Variants in DCUN1D4 observed in about 807,000 individuals in gnomAD.
DCUN1D4 encodes DCN1-like protein 4.
A neutral mutation model predicts 47.9 loss-of-function variants in DCUN1D4; 22 were observed. The ratio of observed to expected loss-of-function variants is 0.46; its 90% CI spans 0.33 to 0.66. The LOEUF (loss-of-function observed/expected upper bound fraction) is 0.66. Ranked by LOEUF, DCUN1D4 falls within the 30% of genes least tolerant of loss-of-function variation. The probability of loss-of-function intolerance (pLI) is 0.02; values close to 1 mark genes in which losing one functional copy is unlikely to be tolerated. For synonymous variants in DCUN1D4, 121 were observed against 112.2 expected (o/e 1.08, Z -0.50); for missense variants, 301 against 340.8 (o/e 0.88, Z 0.92).
chr4:51,891,091 A>T (rs982377362), intron 6 of DCUN1D4, among the ~76,000 whole-genome samples: 1 of 152,258 alleles, frequency 6.6e-6, no homozygotes, highest in African/African-American at 2.4e-5. Flanking sequence ...ACCAGTGTAT[A>T]TAGTGAATTC....
intron 1 of DCUN1D4, among the ~76,000 whole-genome samples, chr4:51,862,170 A>C (rs964487934): frequency 6.6e-6 from 1 of 152,218 alleles, no homozygotes; most frequent in African/African-American, 2.4e-5. Flanking sequence ...GGACCATTCT[A>C]TATGGCTATG....
chr4:51,899,198 A>G, intron 7 of DCUN1D4, 72 bp from the exon 8 acceptor site: 4 of 1,468,944 alleles, frequency 2.7e-6, no homozygotes, highest in Non-Finnish European at 3.6e-6. Flanking sequence ...TATTGTGTTT[A>G]TATTACTGCC....
At position 51,868,782 on chromosome 4, in the gene DCUN1D4, T is replaced by C. The variant is rs949938337; in HGVS notation, c.136+5073T>C. 3.9e-5 allele frequency among the ~76,000 whole-genome samples: 6 copies of C among 152,252 alleles called. No homozygotes were observed. In the East Asian group the frequency reaches 7.7e-4, roughly 20 times the overall value. On this transcript the variant is annotated intron_variant, in intron 3 of 10. Transcript: ENST00000334635. ...AAAGGAAAAAGAGAGAATGAATTAG[T>C]GGCTAATCTTGGAGAAATAGCACAA...
At chr4:51,859,948 A>G (rs1724776497) in intron 1 of DCUN1D4, among the ~76,000 whole-genome samples, 1 of 152,098 alleles carries the variant, frequency 6.6e-6, no homozygotes, top group African/African-American at 2.4e-5. Flanking sequence ...TTTCCAGAAT[A>G]CGTTCTCGGT....
At position 51,916,176 on chromosome 4, in the gene DCUN1D4, C is replaced by T. The variant is rs1734305949; in HGVS notation, c.*2592C>T. On this transcript the variant is annotated 3_prime_UTR_variant, in exon 11 of 11. Coordinates refer to ENST00000334635, the MANE Select transcript of DCUN1D4 (RefSeq NM_001040402.3). ...TTCTCTTTTTCTATTGTGTTTCGAA[C>T]TCCACATTGCAATACTCTGTTGTCA... 6.6e-6 allele frequency: 1 copy of T among 152,114 alleles called. No homozygotes were observed. Among genetic ancestry groups the T allele is most frequent in the Non-Finnish European group, 1.5e-5 (1 of 68,008 alleles). 9.4% of individuals were successfully genotyped at this position (152,114 alleles called of 1,614,324 possible). A position where few individuals can be genotyped will look rare whatever the true frequency, so the allele number is the denominator to read the frequency against.
chr4:51,836,586 G>A, the DCUN1D4 span, among the ~76,000 whole-genome samples: 4 of 152,254 alleles, frequency 2.6e-5, no homozygotes, highest in East Asian at 5.8e-4. Context: ...GGGCAGAACG[G>A]GGTGGCTGAG....
intron 1 of DCUN1D4, chr4:51,845,280 T>C (rs944841848): frequency 3.7e-5 from 36 of 985,092 alleles, no homozygotes; most frequent in Middle Eastern, 1.0e-3. Context: ...ATAAACTATG[T>C]GTTGGTATTT....
In DCUN1D4 at chr4:51,867,399, T is replaced by C. The variant is rs148384085; in HGVS notation, c.136+3690T>C. Reference sequence around the variant, plus strand: ...CCTGTTTGTGTTACAGCTCTTTTAGTCCTGCCATTTGGTGGATCCTGAGTT... The same window carrying C: ...CCTGTTTGTGTTACAGCTCTTTTAGCCCTGCCATTTGGTGGATCCTGAGTT... On this transcript the variant is annotated intron_variant, in intron 3 of 10. Transcript: ENST00000334635. Among the ~76,000 whole-genome samples the C allele has an allele frequency of 9.2e-3, 1,398 of 152,344 alleles. 13 individuals carry two copies. Among genetic ancestry groups the C allele is most frequent in the African/African-American group, 0.032 (1,340 of 41,580 alleles).
chr4:51,914,298 T>C lies in DCUN1D4; in HGVS notation c.*714T>C, dbSNP rs1179039556. The C allele has an allele frequency of 6.6e-6, 1 of 152,150 alleles. No homozygotes were observed. The highest frequency in any genetic ancestry group is 2.4e-5 in the African/African-American group (1 of 41,442). 9.4% of individuals were successfully genotyped at this position (152,150 alleles called of 1,614,324 possible). A position where few individuals can be genotyped will look rare whatever the true frequency, so the allele number is the denominator to read the frequency against. ...CCAATGAACAAATTCAAATTGCACC[T>C]CTTTTCTTAAAAGAATGGGATTTAA... is the stretch of plus-strand genomic sequence containing the variant. On this transcript the variant is annotated 3_prime_UTR_variant, in exon 11 of 11. Coordinates refer to ENST00000334635, the MANE Select transcript of DCUN1D4 (RefSeq NM_001040402.3).
At chr4:51,845,572 T>A (rs1408965252) in intron 1 of DCUN1D4, among the ~76,000 whole-genome samples, 1 of 152,188 alleles carries the variant, frequency 6.6e-6, no homozygotes, top group Non-Finnish European at 1.5e-5. Flanking sequence ...CGTCACATCC[T>A]TCACCAGTTC....
At chr4:51,847,825 A>G (rs564346191) in intron 1 of DCUN1D4, among the ~76,000 whole-genome samples, 29 of 152,124 alleles carry the variant, frequency 1.9e-4, no homozygotes, top group Non-Finnish European at 2.8e-4. Flanking sequence ...CTCTCCTTTC[A>G]TGGAATCTCT....
intron 1 of DCUN1D4, among the ~76,000 whole-genome samples, chr4:51,852,231 A>G (rs901831235): frequency 6.6e-6 from 1 of 152,178 alleles, no homozygotes; most frequent in Non-Finnish European, 1.5e-5. Context: ...TAAGTGGGAA[A>G]CTGAAGAATT....
chr4:51,905,177 A>G (rs1211381686), intron 8 of DCUN1D4: 1 of 453,278 alleles, frequency 2.2e-6, no homozygotes, highest in Admixed American at 2.3e-5. Flanking sequence ...TTTGACTTGA[A>G]CTTATTTATA....
chr4:51,848,435 T>G, intron 1 of DCUN1D4: 3 of 994,390 alleles, frequency 3.0e-6, no homozygotes, highest in Non-Finnish European at 3.7e-6. Flanking sequence ...CATATTCTGG[T>G]CCTAAGGATT....
chr4:51,852,911 C>G (rs1723578463), intron 1 of DCUN1D4, among the ~76,000 whole-genome samples: 1 of 152,162 alleles, frequency 6.6e-6, no homozygotes, highest in Admixed American at 6.5e-5. Flanking sequence ...CATTCTTTAA[C>G]CAAAATCTGG....
intron 1 of DCUN1D4, among the ~76,000 whole-genome samples, chr4:51,859,369 A>G (rs1249636854): frequency 6.6e-6 from 1 of 152,162 alleles, no homozygotes; most frequent in African/African-American, 2.4e-5. Context: ...TGACTATGGT[A>G]TAAAGGGAAG....
chr4:51,856,515 G>T (rs1269191676), intron 1 of DCUN1D4, among the ~76,000 whole-genome samples: 1 of 152,130 alleles, frequency 6.6e-6, no homozygotes, highest in Non-Finnish European at 1.5e-5. Context: ...GACAGCTTTG[G>T]TTAGGAAACG....
rs377541924 is a variant in DCUN1D4 at position 51,887,319 on chromosome 4, C to T, written c.414+681C>T. On this transcript the variant is annotated intron_variant, in intron 6 of 10. Coordinates refer to ENST00000334635, the MANE Select transcript of DCUN1D4 (RefSeq NM_001040402.3). ...GGATTTCACCATGTTGGCCAGATGTCTCTATCTCCTGACCTTGTGATCTGC... is the reference window on the plus strand; with the variant it reads ...GGATTTCACCATGTTGGCCAGATGTTTCTATCTCCTGACCTTGTGATCTGC... The T allele has an allele frequency of 7.8e-4, 244 of 312,846 alleles. 2 individuals carry two copies. Among genetic ancestry groups the T allele is most frequent in the African/African-American group, 5.3e-3 (235 of 43,964 alleles). The allele number at this position is 312,846 out of a possible 1,614,324, so 19.4% of individuals were successfully genotyped here. A position where few individuals can be genotyped will look rare whatever the true frequency, so the allele number is the denominator to read the frequency against.
the DCUN1D4 span, among the ~76,000 whole-genome samples, chr4:51,835,737 G>C: frequency 6.6e-6 from 1 of 152,074 alleles, no homozygotes; most frequent in Non-Finnish European, 1.5e-5. Flanking sequence ...GATGAGATGA[G>C]AGAGATGGCA....
Sources: allele counts gnomAD v4.1 joint callset (sites outside exome capture counted in the v4.1 genomes callset), GRCh38; gene constraint gnomAD v4.1.1; transcripts MANE v1.5; gene names NCBI Gene and HGNC (gene_info 2026-07-23, HGNC 2026-07-21).